Variants in SYT1 observed in about 807,000 individuals in gnomAD.
SYT1 encodes the protein synaptotagmin 1.
A neutral mutation model predicts 44.8 loss-of-function variants in SYT1; 8 were observed. The observed-to-expected ratio is 0.18, with a 90% CI of 0.10 to 0.32. SYT1 has a LOEUF of 0.32. SYT1 is among the 10% of genes least tolerant of loss of function. The pLI, the probability that SYT1 is intolerant of heterozygous loss-of-function variation, is 1.00. For synonymous variants in SYT1, 154 were observed against 188.8 expected (o/e 0.82, Z 1.51); for missense variants, 286 against 509.3 (o/e 0.56, Z 4.22).
At chr12:79,272,927 A>T (rs1878507826) in intron 4 of SYT1, among the ~76,000 whole-genome samples, 1 of 152,200 alleles carries the variant, frequency 6.6e-6, no homozygotes, top group Non-Finnish European at 1.5e-5. Flanking sequence ...TGACCAAAAA[A>T]AGCTATTCAT....
At chr12:78,877,253 G>A (rs1426888785) in intron 1 of SYT1, among the ~76,000 whole-genome samples, 2 of 151,358 alleles carry the variant, frequency 1.3e-5, no homozygotes, top group East Asian at 2.0e-4. Context: ...TGTGGCGGTA[G>A]GCAAAGAGAG....
At chr12:79,375,320 G>T (rs1883950245) in intron 9 of SYT1, among the ~76,000 whole-genome samples, 1 of 152,134 alleles carries the variant, frequency 6.6e-6, no homozygotes, top group Admixed American at 6.5e-5. Flanking sequence ...ATTGTGCAGG[G>T]CAAAGGGATA....
intron 4 of SYT1, among the ~76,000 whole-genome samples, chr12:79,222,864 G>T (rs1875260589): frequency 6.6e-6 from 1 of 151,682 alleles, no homozygotes. Context: ...TCTTTCTTCT[G>T]TTTGACCAGT....
chr12:78,944,520 A>C (rs1878554625), intron 1 of SYT1, among the ~76,000 whole-genome samples: 1 of 151,958 alleles, frequency 6.6e-6, no homozygotes, highest in South Asian at 2.1e-4. Context: ...ACAAAAAAAA[A>C]CTCCTGGGGG....
Position 79,172,996 on chromosome 12 carries a change from AAAAAAAAAAAG to A in SYT1, c.-17-44506_-17-44496del, listed in dbSNP as rs1171266392. On this transcript the variant is annotated intron_variant, in intron 3 of 10. Coordinates refer to ENST00000261205, the MANE Select transcript of SYT1 (RefSeq NM_005639.3). ...AAAAAAAAAAAAAAAAAAAAAAAAA[AAAAAAAAAAAG>A]GGAGTTTGGCCTGTCCAGAAATAAA... Among the ~76,000 whole-genome samples, 132 of 139,634 alleles carry A rather than the reference AAAAAAAAAAAG, an allele frequency of 9.5e-4. 3 individuals carry two copies. The highest frequency in any genetic ancestry group is 3.5e-3 in the African/African-American group (120 of 34,456). The allele number at this position is 139,634 out of a possible 152,430, so 91.6% of individuals were successfully genotyped here. A position where few individuals can be genotyped will look rare whatever the true frequency, so the allele number is the denominator to read the frequency against.
chr12:79,406,034 T>A (rs1301902860), intron 9 of SYT1, among the ~76,000 whole-genome samples: 1 of 152,038 alleles, frequency 6.6e-6, no homozygotes, highest in African/African-American at 2.4e-5. Flanking sequence ...GACAGGAAAG[T>A]AATGGTTTAA....
At chr12:78,867,656 G>A (rs968879758) in intron 1 of SYT1, among the ~76,000 whole-genome samples, 1 of 151,900 alleles carries the variant, frequency 6.6e-6, no homozygotes, top group African/African-American at 2.4e-5. Flanking sequence ...AATATATAGG[G>A]AAAATCCTAA....
In SYT1 at chr12:79,428,406, G is replaced by A. The variant is rs141372337; in HGVS notation, c.929-15667G>A. Among the ~76,000 whole-genome samples the A allele has an allele frequency of 1.7e-3, 258 of 152,216 alleles. 9 individuals are homozygous for A. In the East Asian group the frequency reaches 0.046, roughly 27 times the overall value. ...TGCTCTGGATACCTGAGACCCCAAAGTTTCCTACCAAAATGATCCCATGAT... is the reference window on the plus strand; with the variant it reads ...TGCTCTGGATACCTGAGACCCCAAAATTTCCTACCAAAATGATCCCATGAT... On this transcript the variant is annotated intron_variant, in intron 9 of 10. Transcript: ENST00000261205.
intron 4 of SYT1, among the ~76,000 whole-genome samples, chr12:79,272,209 G>A (rs994768670): frequency 2.0e-5 from 3 of 152,224 alleles, no homozygotes; most frequent in Non-Finnish European, 4.4e-5. Context: ...GATGAGAATA[G>A]AGGTGAGTGT....
intron 3 of SYT1, among the ~76,000 whole-genome samples, chr12:79,088,418 C>T (rs773965774): frequency 7.2e-5 from 11 of 152,056 alleles, no homozygotes; most frequent in Non-Finnish European, 1.3e-4. Context: ...AGACATGCCA[C>T]GCACTGTTTT....
chr12:79,242,588 C>T (rs951970016), intron 4 of SYT1, among the ~76,000 whole-genome samples: 6 of 152,136 alleles, frequency 3.9e-5, no homozygotes, highest in African/African-American at 1.4e-4. Flanking sequence ...GGCTTCTACA[C>T]AGAGGTAAAA....
At chr12:79,151,888 G>A (rs1271246679) in intron 3 of SYT1, among the ~76,000 whole-genome samples, 1 of 152,088 alleles carries the variant, frequency 6.6e-6, no homozygotes, top group African/African-American at 2.4e-5. Flanking sequence ...AGAGAAATTG[G>A]GGGCTTATCA....
intron 9 of SYT1, among the ~76,000 whole-genome samples, chr12:79,410,098 A>G (rs1452495939): frequency 2.6e-5 from 4 of 152,116 alleles, no homozygotes; most frequent in Admixed American, 6.6e-5. Flanking sequence ...AGTTTTCATC[A>G]TCATCAAGGT....
Position 79,431,287 on chromosome 12 carries a change from A to G in SYT1, c.929-12786A>G, listed in dbSNP as rs191889719. 1.2e-3 allele frequency among the ~76,000 whole-genome samples: 184 copies of G among 152,330 alleles called. 1 individual carries two copies. Among genetic ancestry groups the G allele is most frequent in the African/African-American group, 4.2e-3 (176 of 41,588 alleles). ...TAATACCCCCACTCTCACTTCTCAGAGACAGAGCAGTGTATGTCAAGAAAT... is the reference window on the plus strand; with the variant it reads ...TAATACCCCCACTCTCACTTCTCAGGGACAGAGCAGTGTATGTCAAGAAAT... On this transcript the variant is annotated intron_variant, in intron 9 of 10. Coordinates refer to ENST00000261205, the MANE Select transcript of SYT1 (RefSeq NM_005639.3).
At chr12:79,093,805 T>A (rs1055382144) in intron 3 of SYT1, among the ~76,000 whole-genome samples, 1 of 151,772 alleles carries the variant, frequency 6.6e-6, no homozygotes, top group Non-Finnish European at 1.5e-5. Context: ...CAGAATTTTT[T>A]ATCTTATTTC....
intron 3 of SYT1, among the ~76,000 whole-genome samples, chr12:79,135,158 T>A (rs1211481633): frequency 6.6e-6 from 1 of 152,056 alleles, no homozygotes; most frequent in Non-Finnish European, 1.5e-5. Flanking sequence ...AACGTGCAGG[T>A]TTGTTACATA....
chr12:79,411,570 T>C (rs1049859143), intron 9 of SYT1, among the ~76,000 whole-genome samples: 12 of 152,190 alleles, frequency 7.9e-5, no homozygotes, highest in Admixed American at 3.9e-4. Context: ...TATTTATTTA[T>C]ATAAATCAAA....
chr12:79,245,964 T>C (rs1033914021), intron 4 of SYT1, among the ~76,000 whole-genome samples: 2 of 152,122 alleles, frequency 1.3e-5, no homozygotes, highest in African/African-American at 4.8e-5. Flanking sequence ...GAAAGATCAG[T>C]TTGGTTGCAG....
chr12:78,897,517 T>G (rs1444962857), intron 1 of SYT1, among the ~76,000 whole-genome samples: 1 of 152,028 alleles, frequency 6.6e-6, no homozygotes, highest in African/African-American at 2.4e-5. Context: ...CCGAGACTGT[T>G]GTACAGAGAC....
Sources: allele counts gnomAD v4.1 joint callset (sites outside exome capture counted in the v4.1 genomes callset), GRCh38; gene constraint gnomAD v4.1.1; transcripts MANE v1.5; gene names NCBI Gene and HGNC (gene_info 2026-07-23, HGNC 2026-07-21).